The following PRPF8 variants were observed in gnomAD, a reference collection of about 807,000 sequenced individuals.
PRPF8 encodes pre-mRNA-processing-splicing factor 8.
Under a neutral mutation model 285.9 loss-of-function variants are expected in PRPF8, and 64 were observed. The ratio of observed to expected loss-of-function variants is 0.22; its 90% CI spans 0.18 to 0.28. PRPF8 has a LOEUF of 0.28. PRPF8 is among the 10% of genes least tolerant of loss of function. The probability of loss-of-function intolerance (pLI) is 1.00; values close to 1 mark genes in which losing one functional copy is unlikely to be tolerated. For synonymous variants in PRPF8, 1,325 were observed against 1,118.2 expected, an observed-to-expected ratio of 1.18 and a Z score of -3.69; for missense variants, 1,426 against 3,026.7, an observed-to-expected ratio of 0.47 and a Z score of 12.41.
Position 1,658,208 on chromosome 17 carries a change from GAGGCAACATGGTTCTAC to G in PRPF8, c.5505+28_5505+44del, listed in dbSNP as rs781273401. On this transcript the variant is annotated intron_variant, in intron 34 of 42. Transcript: ENST00000304992. This position sits in a 1 kb window ranked among gnomAD's most constrained non-coding sequence, Gnocchi z 4.1. ...ATTACCAAGTCCACCCCAAGAATAA[GAGGCAACATGGTTCTAC>G]AGCCTCTTCATCTTTAAACCTGCTC... is the stretch of plus-strand genomic sequence containing the variant. 1.2e-6 allele frequency: 2 copies of G among 1,613,462 alleles called. No individual in the cohort carries two copies. The highest frequency in any genetic ancestry group is 4.5e-5 in the East Asian group (2 of 44,880).
At chr17:1,654,419 G>A (rs977761596) in intron 37 of PRPF8, 3 of 357,558 alleles carry the variant, frequency 8.4e-6, no homozygotes, top group Admixed American at 4.1e-5. Context: ...AGGGGAGGAA[G>A]GTGTGTGTGT....
intron 24 of PRPF8, among the ~76,000 whole-genome samples, chr17:1,667,425 A>G (rs533944142): frequency 1.4e-4 from 22 of 152,220 alleles, no homozygotes; most frequent in Non-Finnish European, 3.1e-4. Context: ...GCAAGAAGGA[A>G]AATAATATTT....
At chr17:1,669,630 T>C (rs1197193005) in intron 24 of PRPF8, among the ~76,000 whole-genome samples, 1 of 152,214 alleles carries the variant, frequency 6.6e-6, no homozygotes, top group Non-Finnish European at 1.5e-5. Context: ...ATCCCTACTA[T>C]TTCTGTAACA....
intron 8 of PRPF8, chr17:1,680,494 G>A: frequency 1.7e-6 from 1 of 603,496 alleles, no homozygotes; most frequent in South Asian, 1.9e-5. Flanking sequence ...AGATTATCTA[G>A]AGCACCCAAG....
At chr17:1,678,167 T>C (rs1450852243) in intron 13 of PRPF8, among the ~76,000 whole-genome samples, 1 of 152,052 alleles carries the variant, frequency 6.6e-6, no homozygotes, top group Non-Finnish European at 1.5e-5. Context: ...TTTCAAAAAC[T>C]AGCCAGGCAT....
chr17:1,679,540 C>A lies in PRPF8; in HGVS notation c.1289+69G>T. The A allele has an allele frequency of 6.2e-7, 1 of 1,600,556 alleles. No individual in the cohort carries two copies. Among genetic ancestry groups the A allele is most frequent in the Non-Finnish European group, 8.5e-7 (1 of 1,175,290 alleles). On this transcript the variant is annotated intron_variant, in intron 9 of 42. Transcript: ENST00000304992. The surrounding 1 kb of genome is among the most constrained non-coding windows in gnomAD (Gnocchi z 4.7). ...AAGAATTTAAAAAAAAGGCTACATG[C>A]CCACCTAGTTGGAGTCTTTTCTCCT... is the stretch of plus-strand genomic sequence containing the variant.
At position 1,675,248 on chromosome 17, in the gene PRPF8, G is replaced by C; in HGVS notation, c.2964C>G (p.Ile988Met). The change falls in exon 20 of 43, where the codon ATC becomes ATG. Residue 988 changes from isoleucine (I) to methionine (M), a missense_variant. By Grantham distance (10) the Ile-to-Met change is conservative. Transcript: ENST00000304992. This position sits in a 1 kb window ranked among gnomAD's most constrained non-coding sequence, Gnocchi z 6.0. ...ESRFEKMYEK[I>M]DLTLLNRLLR... ...GCAGCCTGTTGAGCAGAGTCAAGTC[G>C]ATCTTCTCATACATCTTCTCAAAGC... 6.2e-7 allele frequency: 1 copy of C among 1,614,132 alleles called. No individual in the cohort carries two copies. Among genetic ancestry groups the C allele is most frequent in the Non-Finnish European group, 8.5e-7 (1 of 1,180,038 alleles).
In PRPF8 at chr17:1,658,975, G is replaced by A. The variant is rs1029697695; in HGVS notation, c.5139-212C>T. On this transcript the variant is annotated intron_variant, in intron 32 of 42. Coordinates refer to ENST00000304992, the MANE Select transcript of PRPF8 (RefSeq NM_006445.4). The surrounding 1 kb of genome is among the most constrained non-coding windows in gnomAD (Gnocchi z 4.1). The stretch of plus-strand genomic sequence containing the variant: ...AGGTAAAGTAAAAAAGTATGACTAC[G>A]TTAAAGTATGGAGCTAATGGAAAAT... The A allele has an allele frequency of 1.3e-5, 9 of 682,914 alleles. No individual in the cohort carries two copies. Among genetic ancestry groups the A allele is most frequent in the Admixed American group, 6.4e-5 (3 of 46,514 alleles). 42.3% of individuals were successfully genotyped at this position (682,914 alleles called of 1,614,324 possible).
chr17:1,679,689 G>A lies in PRPF8; in HGVS notation c.1209C>T (p.Ala403=), dbSNP rs1288755743. The change falls in exon 9 of 43, where the codon GCC becomes GCT. Residue 403 remains alanine (A), a synonymous_variant. Coordinates refer to ENST00000304992, the MANE Select transcript of PRPF8 (RefSeq NM_006445.4). This position sits in a 1 kb window ranked among gnomAD's most constrained non-coding sequence, Gnocchi z 4.7. The stretch of plus-strand genomic sequence containing the variant: ...TGAAGGGCCGCGGGGCCCAGAGCAG[G>A]GCAATGCCATTGGCTGTATTGTCTG... ...LYTDNTANGI[A]LLWAPRPFNL... is the part of the protein sequence containing the mutation. 9 of 1,614,198 alleles carry A rather than the reference G, an allele frequency of 5.6e-6. No individual in the cohort carries two copies. The highest frequency in any genetic ancestry group is 1.7e-5 in the Admixed American group (1 of 60,016).
At chr17:1,678,974 C>T (rs752190025) in intron 11 of PRPF8, 43 bp downstream of exon 11, 21 of 1,613,534 alleles carry the variant, frequency 1.3e-5, no homozygotes, top group Admixed American at 3.3e-5. Flanking sequence ...AACAACTGTC[C>T]GTCCTTGAAG....
chr17:1,664,346 A>T (rs960037563), intron 24 of PRPF8, among the ~76,000 whole-genome samples: 4 of 152,220 alleles, frequency 2.6e-5, no homozygotes, highest in Non-Finnish European at 5.9e-5. Context: ...CGATAGAAGT[A>T]TACAAAAAAT....
intron 24 of PRPF8, among the ~76,000 whole-genome samples, chr17:1,663,301 TTAA>T (rs914188199): frequency 1.3e-5 from 2 of 151,146 alleles, no homozygotes; most frequent in African/African-American, 4.9e-5. Flanking sequence ...AAAAAATAAT[TTAA>T]AAAAAAAAGA....
intron 21 of PRPF8, 110 bp downstream of exon 21, chr17:1,674,332 A>T (rs2151126689): frequency 8.4e-7 from 1 of 1,187,428 alleles, no homozygotes; most frequent in Non-Finnish European, 1.3e-6. Flanking sequence ...GCTTCATTCC[A>T]TTTTAAAGCC....
rs769979552 is a variant in PRPF8 at position 1,682,269 on chromosome 17, T to G, written c.294A>C (p.Ala98=). 1 of 1,614,166 alleles carries G rather than the reference T, an allele frequency of 6.2e-7. No individual in the cohort carries two copies. The highest frequency in any genetic ancestry group is 1.7e-5 in the Admixed American group (1 of 60,008). ...YLGALKYMPH[A]VLKLLENMPM... is the part of the protein sequence containing the mutation. ...GCATGTTCTCCAGGAGTTTGAGGAC[T>G]GCGTGGGGCATGTACTTTAGGGCAC... The change falls in exon 4 of 43, where the codon GCA becomes GCC. Residue 98 remains alanine, a synonymous_variant. Coordinates refer to ENST00000304992, the MANE Select transcript of PRPF8 (RefSeq NM_006445.4).
rs1202911601 is a variant in PRPF8, at chr17:1,660,842, A to G, written c.4509-15T>C. The stretch of plus-strand genomic sequence containing the variant: ...TGGCCTTCTCCCTGGGGAGCAAGAG[A>G]AGCAGGTGAGGTGATATCCTGCCAT... On this transcript the variant is annotated splice_polypyrimidine_tract_variant and intron_variant, in intron 28 of 42. Transcript: ENST00000304992. 1.9e-6 allele frequency: 3 copies of G among 1,613,666 alleles called. No homozygotes were observed. Among genetic ancestry groups the G allele is most frequent in the Non-Finnish European group, 2.5e-6 (3 of 1,180,022 alleles).
chr17:1,661,057 C>T lies in PRPF8; in HGVS notation c.4444G>A (p.Glu1482Lys). The T allele has an allele frequency of 6.2e-7, 1 of 1,614,148 alleles. No individual in the cohort carries two copies. The highest frequency in any genetic ancestry group is 2.2e-5 in the East Asian group (1 of 44,882). The change falls in exon 28 of 43, where the codon GAA becomes AAA. Residue 1482 changes from glutamate (E) to lysine (K), a missense_variant. Physicochemically the swap from Glu to Lys is moderately conservative, Grantham distance 56. This residue lies in a region of PRPF8 where 23 missense variants were observed against 43.6 expected (regional missense o/e 0.53). Transcript: ENST00000304992. This position sits in a 1 kb window ranked among gnomAD's most constrained non-coding sequence, Gnocchi z 7.3. Reference sequence around the variant, plus strand: ...AAGAGTGTGTGTTCCAGAATGCCTTCCACACCGCCCAGGGCCTGGATCATG... The same window carrying T: ...AAGAGTGTGTGTTCCAGAATGCCTTTCACACCGCCCAGGGCCTGGATCATG... Reference protein sequence around the residue: ...TDMIQALGGVEGILEHTLFKG... With the variant: ...TDMIQALGGVKGILEHTLFKG...
chr17:1,675,254 C>T lies in PRPF8; in HGVS notation c.2958G>A (p.Glu986=). The change falls in exon 20 of 43, where the codon GAG becomes GAA. Residue 986 remains glutamate, a synonymous_variant. Coordinates refer to ENST00000304992, the MANE Select transcript of PRPF8 (RefSeq NM_006445.4). The surrounding 1 kb of genome is among the most constrained non-coding windows in gnomAD (Gnocchi z 6.0). The stretch of plus-strand genomic sequence containing the variant: ...TGTTGAGCAGAGTCAAGTCGATCTT[C>T]TCATACATCTTCTCAAAGCGGGATT... ...MLESRFEKMY[E]KIDLTLLNRL... is the part of the protein sequence containing the mutation. 1 of 1,614,186 alleles carries T rather than the reference C, an allele frequency of 6.2e-7. No homozygotes were observed.
chr17:1,660,293 C>G (rs1347042795), intron 30 of PRPF8, 139 bp downstream of exon 30: 1 of 1,497,232 alleles, frequency 6.7e-7, no homozygotes. Context: ...ACCCTCTCCC[C>G]ACGATTCCAC....
rs139310336 is a variant in PRPF8, at chr17:1,675,485, GT to G, written c.2872+134del. 1,189 of 1,450,866 alleles carry G rather than the reference GT, an allele frequency of 8.2e-4. 10 individuals are homozygous for G. In the African/African-American group the frequency reaches 0.015, roughly 18 times the overall value. The allele number at this position is 1,450,866 out of a possible 1,614,324, so 89.9% of individuals were successfully genotyped here. A position where few individuals can be genotyped will look rare whatever the true frequency, so the allele number is the denominator to read the frequency against. Reference sequence around the variant, plus strand: ...TGCTTTGACTATGGGCTTTTCCTCAGTTTAACACGAACACTACTTCCCTTTA... The same window carrying G: ...TGCTTTGACTATGGGCTTTTCCTCAGTTAACACGAACACTACTTCCCTTTA... On this transcript the variant is annotated intron_variant, in intron 19 of 42. Coordinates refer to ENST00000304992, the MANE Select transcript of PRPF8 (RefSeq NM_006445.4). This position sits in a 1 kb window ranked among gnomAD's most constrained non-coding sequence, Gnocchi z 6.0.
Sources: allele counts gnomAD v4.1 joint callset (sites outside exome capture counted in the v4.1 genomes callset), GRCh38; gene constraint gnomAD v4.1.1; regional missense constraint gnomAD v4.1.1; non-coding constraint Gnocchi (gnomAD v3.1); transcripts MANE v1.5; gene names NCBI Gene and HGNC (gene_info 2026-07-23, HGNC 2026-07-21).